Variants in C1QTNF7 observed in about 807,000 individuals in gnomAD.
The protein encoded by C1QTNF7 is complement C1q tumor necrosis factor-related protein 7.
Under a neutral mutation model 19.6 loss-of-function variants are expected in C1QTNF7, and 15 were observed. The ratio of observed to expected loss-of-function variants is 0.76; its 90% CI spans 0.51 to 1.18. The LOEUF (loss-of-function observed/expected upper bound fraction) is 1.18. Among genes scored for constraint, C1QTNF7 ranks in the 50% most tolerant of loss-of-function variants. The pLI is 0.00. For synonymous variants in C1QTNF7, 142 were observed against 137.5 expected (o/e 1.03, Z -0.23); for missense variants, 324 against 359.7 (o/e 0.90, Z 0.80).
chr4:15,424,977 T>C (rs1473207097), upstream of C1QTNF7, among the ~76,000 whole-genome samples: 1 of 152,144 alleles, frequency 6.6e-6, no homozygotes, highest in Non-Finnish European at 1.5e-5. Context: ...CAAGGTCTCT[T>C]TGTTTGCTCT....
chr4:15,409,131 C>A (rs1256995942), intron 1 of C1QTNF7, among the ~76,000 whole-genome samples: 1 of 152,208 alleles, frequency 6.6e-6, no homozygotes, highest in Non-Finnish European at 1.5e-5. Context: ...TAACCACTCT[C>A]TAAAATTTTT....
intron 1 of C1QTNF7, among the ~76,000 whole-genome samples, chr4:15,394,362 T>C (rs950555165): frequency 1.1e-4 from 17 of 152,366 alleles, no homozygotes; most frequent in African/African-American, 4.1e-4. Context: ...AGTAGGGGAA[T>C]GCCCAGATAA....
At chr4:15,403,376 T>C (rs1361045929) in intron 1 of C1QTNF7, among the ~76,000 whole-genome samples, 1 of 152,176 alleles carries the variant, frequency 6.6e-6, no homozygotes, top group Admixed American at 6.5e-5. Context: ...TTTATTCTCT[T>C]GCAGGTCTGG....
intron 1 of C1QTNF7, chr4:15,374,870 TC>T (rs200054530): frequency 9.3e-4 from 444 of 476,332 alleles, no homozygotes; most frequent in East Asian, 2.9e-3. Context: ...TCTCTCTCTC[TC>T]TTTTTTTTTA....
At chr4:15,348,557 G>A (rs1716793905) in intron 1 of C1QTNF7, among the ~76,000 whole-genome samples, 1 of 152,126 alleles carries the variant, frequency 6.6e-6, no homozygotes. Flanking sequence ...AGCAGGAAAT[G>A]CCCATCAGTA....
At chr4:15,359,900 C>T (rs556808401) in intron 1 of C1QTNF7, among the ~76,000 whole-genome samples, 1 of 152,268 alleles carries the variant, frequency 6.6e-6, no homozygotes, top group Non-Finnish European at 1.5e-5. Flanking sequence ...AAGCAAGCCC[C>T]AGTACCTACT....
At chr4:15,373,843 A>G (rs1230658405) in intron 1 of C1QTNF7, 3 of 152,244 alleles carry the variant, frequency 2.0e-5, no homozygotes, top group East Asian at 3.8e-4. Flanking sequence ...CAGTCAGAAA[A>G]TAACACCGAA....
intron 1 of C1QTNF7, among the ~76,000 whole-genome samples, chr4:15,356,208 G>A (rs980756517): frequency 2.6e-5 from 4 of 151,874 alleles, no homozygotes; most frequent in East Asian, 1.9e-4. Flanking sequence ...TCATCAACCC[G>A]TCATCTACAT....
chr4:15,374,747 T>C lies in C1QTNF7; in HGVS notation c.13+34540T>C, dbSNP rs1159558752. ...CACACTAGAGTTCAAAGACTCCAGC[T>C]GTTGGAAGGTCTTGTGAGCAATGTA... On this transcript the variant is annotated intron_variant, in intron 1 of 2. Coordinates refer to the C1QTNF7 transcript ENST00000295297. The C allele has an allele frequency of 7.1e-6, 7 of 985,218 alleles. No individual in the cohort carries two copies. In the East Asian group the frequency reaches 8.0e-4, roughly 112 times the overall value. The allele number at this position is 985,218 out of a possible 1,614,324, so 61.0% of individuals were successfully genotyped here.
chr4:15,399,057 C>G (rs1231193317), intron 1 of C1QTNF7, among the ~76,000 whole-genome samples: 1 of 152,140 alleles, frequency 6.6e-6, no homozygotes, highest in Non-Finnish European at 1.5e-5. Flanking sequence ...CTTCCCCCAC[C>G]AGTCTAGCAT....
At chr4:15,404,061 G>T (rs921375733) in intron 1 of C1QTNF7, among the ~76,000 whole-genome samples, 1 of 151,902 alleles carries the variant, frequency 6.6e-6, no homozygotes, top group East Asian at 1.9e-4. Context: ...TCTATTTTAG[G>T]CATTTAGTCA....
chr4:15,345,961 C>A (rs1414544446), intron 1 of C1QTNF7, among the ~76,000 whole-genome samples: 1 of 152,158 alleles, frequency 6.6e-6, no homozygotes, highest in Non-Finnish European at 1.5e-5. Context: ...GCCTTTAAAA[C>A]CTGCACCCTT....
chr4:15,409,725 A>C (rs1057126880), intron 1 of C1QTNF7, among the ~76,000 whole-genome samples: 4 of 152,034 alleles, frequency 2.6e-5, no homozygotes, highest in African/African-American at 9.7e-5. Flanking sequence ...CTGCCCACCC[A>C]ATGAGACACC....
At chr4:15,356,425 G>A (rs970615262) in intron 1 of C1QTNF7, among the ~76,000 whole-genome samples, 1 of 152,154 alleles carries the variant, frequency 6.6e-6, no homozygotes, top group African/African-American at 2.4e-5. Flanking sequence ...CAAAGGACAT[G>A]AACTCACCCT....
chr4:15,397,797 A>G (rs1357128737), intron 1 of C1QTNF7, among the ~76,000 whole-genome samples: 1 of 152,208 alleles, frequency 6.6e-6, no homozygotes, highest in African/African-American at 2.4e-5. Flanking sequence ...TAGGATCCCC[A>G]ACAGACCACC....
At chr4:15,397,703 C>T (rs1284144972) in intron 1 of C1QTNF7, among the ~76,000 whole-genome samples, 1 of 152,190 alleles carries the variant, frequency 6.6e-6, no homozygotes, top group Non-Finnish European at 1.5e-5. Flanking sequence ...GTTCTTAAGG[C>T]TTCACTTATG....
At chr4:15,403,060 C>G (rs188229051) in intron 1 of C1QTNF7, among the ~76,000 whole-genome samples, 2 of 151,774 alleles carry the variant, frequency 1.3e-5, no homozygotes, top group Admixed American at 1.3e-4. Flanking sequence ...ACCACAATCT[C>G]CCCCAAATAA....
At chr4:15,417,137 T>C (rs994724933) in intron 1 of C1QTNF7, among the ~76,000 whole-genome samples, 28 of 152,228 alleles carry the variant, frequency 1.8e-4, no homozygotes, top group African/African-American at 5.5e-4. Context: ...CATTCCCATG[T>C]ATACTTTTAA....
At chr4:15,373,348 T>C (rs892066337) in intron 1 of C1QTNF7, among the ~76,000 whole-genome samples, 1 of 152,242 alleles carries the variant, frequency 6.6e-6, no homozygotes, top group Non-Finnish European at 1.5e-5. Flanking sequence ...CATTGTGACC[T>C]AATGACCTCC....
Sources: gnomAD v4.1 joint callset for allele counts (sites outside exome capture counted in the v4.1 genomes callset) on GRCh38, gnomAD v4.1.1 for gene constraint, MANE v1.5 for transcripts, NCBI Gene and HGNC (gene_info 2026-07-23, HGNC 2026-07-21) for gene names.